Variants in COL19A1 observed in about 807,000 individuals in gnomAD.
COL19A1 encodes collagen type XIX alpha 1 chain.
A neutral mutation model predicts 190.2 loss-of-function variants in COL19A1; 159 were observed. That is an observed-to-expected ratio of 0.84 (90% CI 0.73 to 0.95). The LOEUF is 0.95. Ranked by LOEUF, COL19A1 falls within the 40% of genes least tolerant of loss-of-function variation. The probability of loss-of-function intolerance (pLI) is 0.00; values close to 1 mark genes in which losing one functional copy is unlikely to be tolerated. For synonymous variants in COL19A1, 509 were observed against 458.9 expected, an observed-to-expected ratio of 1.11 and a Z score of -1.39; for missense variants, 1,418 against 1,431.9, an observed-to-expected ratio of 0.99 and a Z score of 0.16.
intron 49 of COL19A1, among the ~76,000 whole-genome samples, chr6:70,200,778 A>G (rs558045665): frequency 2.0e-5 from 3 of 152,330 alleles, no homozygotes; most frequent in Non-Finnish European, 2.9e-5. Context: ...TCAGTTCCCA[A>G]TAGCAGTGCC....
At chr6:69,970,065 G>T (rs1394159781) in intron 11 of COL19A1, among the ~76,000 whole-genome samples, 6 of 152,164 alleles carry the variant, frequency 3.9e-5, no homozygotes, top group Non-Finnish European at 4.4e-5. Context: ...TAGGAAAATA[G>T]ATTCCACCTC....
At chr6:69,997,998 T>G (rs1478020457) in intron 11 of COL19A1, among the ~76,000 whole-genome samples, 1 of 152,034 alleles carries the variant, frequency 6.6e-6, no homozygotes, top group Admixed American at 6.6e-5. Context: ...CAATTCATCA[T>G]GTACGTGAAA....
rs1768034600 is a variant in COL19A1, at chr6:70,208,853, C to T, written c.*1579C>T. 1.3e-5 allele frequency: 2 copies of T among 152,608 alleles called. No individual in the cohort carries two copies. Among genetic ancestry groups the T allele is most frequent in the Non-Finnish European group, 2.9e-5 (2 of 68,038 alleles). The allele number at this position is 152,608 out of a possible 1,614,324, so 9.5% of individuals were successfully genotyped here. A position where few individuals can be genotyped will look rare whatever the true frequency, so the allele number is the denominator to read the frequency against. ...ATTTAAGGCAGGGTTTGTTCCAATGCATCCGTGATTTGAACCGGTTTTCAT... is the reference window on the plus strand; with the variant it reads ...ATTTAAGGCAGGGTTTGTTCCAATGTATCCGTGATTTGAACCGGTTTTCAT... On this transcript the variant is annotated 3_prime_UTR_variant, in exon 51 of 51. Coordinates refer to ENST00000620364, the MANE Select transcript of COL19A1 (RefSeq NM_001858.6).
At chr6:70,043,193 CT>C (rs548148887) in intron 14 of COL19A1, among the ~76,000 whole-genome samples, 61,589 of 145,238 alleles carry the variant, frequency 0.42, 13,668 homozygotes, top group Non-Finnish European at 0.52. Flanking sequence ...ATTTCTTCTT[CT>C]TTTTTTTTTT....
chr6:69,962,752 A>G, intron 10 of COL19A1, 74 bp from the exon 11 acceptor site: 3 of 1,065,014 alleles, frequency 2.8e-6, no homozygotes, highest in Non-Finnish European at 4.0e-6. Flanking sequence ...TTGAAACATA[A>G]TTTTTATTGT....
chr6:70,207,363 GCTTT>G lies in COL19A1; in HGVS notation c.*90_*93del. The G allele has an allele frequency of 2.4e-6, 1 of 409,330 alleles. No individual in the cohort carries two copies. The highest frequency in any genetic ancestry group is 3.3e-6 in the Non-Finnish European group (1 of 305,100). The allele number at this position is 409,330 out of a possible 1,614,324, so 25.4% of individuals were successfully genotyped here. A position where few individuals can be genotyped will look rare whatever the true frequency, so the allele number is the denominator to read the frequency against. On this transcript the variant is annotated 3_prime_UTR_variant, in exon 51 of 51. Coordinates refer to ENST00000620364, the MANE Select transcript of COL19A1 (RefSeq NM_001858.6). Reference sequence around the variant, plus strand: ...GTCAAACCCTCATCATCTGTGGGTTGCTTTTTTTTTTTTTTTTTTTTTTTGGGAG... The same window carrying G: ...GTCAAACCCTCATCATCTGTGGGTTGTTTTTTTTTTTTTTTTTTTTGGGAG...
intron 15 of COL19A1, among the ~76,000 whole-genome samples, chr6:70,073,259 A>T (rs1413022586): frequency 6.6e-6 from 1 of 152,054 alleles, no homozygotes. Context: ...AAGTTCTGGG[A>T]TTACAGGCCT....
At chr6:69,888,245 T>G (rs373486902) in intron 2 of COL19A1, among the ~76,000 whole-genome samples, 21 of 152,160 alleles carry the variant, frequency 1.4e-4, no homozygotes, top group Non-Finnish European at 2.5e-4. Flanking sequence ...AGGGGAGGGA[T>G]AAGGCAGCTC....
chr6:70,025,604 A>T (rs1359465978), intron 12 of COL19A1, among the ~76,000 whole-genome samples: 1 of 152,224 alleles, frequency 6.6e-6, no homozygotes, highest in Non-Finnish European at 1.5e-5. Context: ...AATTCCTTTT[A>T]CAGTGGATTC....
At chr6:69,909,616 A>G (rs1009886468) in intron 4 of COL19A1, among the ~76,000 whole-genome samples, 11 of 152,138 alleles carry the variant, frequency 7.2e-5, no homozygotes, top group Non-Finnish European at 1.6e-4. Flanking sequence ...AAAATACAAT[A>G]AATATAATTA....
chr6:70,052,346 C>T (rs1780252832), intron 14 of COL19A1, among the ~76,000 whole-genome samples: 1 of 152,142 alleles, frequency 6.6e-6, no homozygotes, highest in Non-Finnish European at 1.5e-5. Flanking sequence ...GTTAGTGCCT[C>T]ACTCACAAGA....
intron 1 of COL19A1, among the ~76,000 whole-genome samples, chr6:69,868,465 G>A (rs959067263): frequency 1.3e-5 from 2 of 152,082 alleles, no homozygotes; most frequent in African/African-American, 4.8e-5. Flanking sequence ...GAAAATTTAT[G>A]CTCTCTCTAG....
At chr6:69,995,615 T>A (rs920272072) in intron 11 of COL19A1, among the ~76,000 whole-genome samples, 1 of 152,144 alleles carries the variant, frequency 6.6e-6, no homozygotes, top group Non-Finnish European at 1.5e-5. Flanking sequence ...AACAACCATC[T>A]AAATTCTTTA....
At chr6:70,081,816 T>G (rs576473620) in intron 15 of COL19A1, among the ~76,000 whole-genome samples, 2 of 152,176 alleles carry the variant, frequency 1.3e-5, no homozygotes, top group African/African-American at 4.8e-5. Flanking sequence ...TTATTCTTAC[T>G]TTTTTAAAAA....
At chr6:70,202,940 G>C (rs1288845853) in intron 49 of COL19A1, among the ~76,000 whole-genome samples, 1 of 152,246 alleles carries the variant, frequency 6.6e-6, no homozygotes, top group Admixed American at 6.5e-5. Context: ...GCTTCCTGCT[G>C]TGCCTTGAGA....
At chr6:70,181,261 C>G (rs149941484) in intron 44 of COL19A1, among the ~76,000 whole-genome samples, 44 of 152,232 alleles carry the variant, frequency 2.9e-4, no homozygotes, top group African/African-American at 1.1e-3. Flanking sequence ...GCCAGTTTGG[C>G]ACCTCTGTGA....
intron 27 of COL19A1, among the ~76,000 whole-genome samples, chr6:70,148,636 A>T (rs1786828253): frequency 6.6e-6 from 1 of 152,130 alleles, no homozygotes; most frequent in Non-Finnish European, 1.5e-5. Flanking sequence ...GTATCAGAAA[A>T]TTATTAGAGG....
At position 70,045,693 on chromosome 6, in the gene COL19A1, C is replaced by T. The variant is rs115131862; in HGVS notation, c.1170+9754C>T. ...GCCAGAGATTTGGGGAGAGCTTATACGCAGAATTTTGGACTTCCTTACTTA... is the reference window on the plus strand; with the variant it reads ...GCCAGAGATTTGGGGAGAGCTTATATGCAGAATTTTGGACTTCCTTACTTA... On this transcript the variant is annotated intron_variant, in intron 14 of 50. Transcript: ENST00000620364. 6.3e-3 allele frequency among the ~76,000 whole-genome samples: 958 copies of T among 152,226 alleles called. 8 individuals carry two copies. The highest frequency in any genetic ancestry group is 0.022 in the African/African-American group (900 of 41,520).
intron 16 of COL19A1, among the ~76,000 whole-genome samples, chr6:70,117,442 A>G (rs1283895583): frequency 6.6e-6 from 1 of 152,244 alleles, no homozygotes; most frequent in Non-Finnish European, 1.5e-5. Context: ...GGTGGCAGAC[A>G]TCATGGTATT....
Sources: gnomAD v4.1 joint callset for allele counts (sites outside exome capture counted in the v4.1 genomes callset) on GRCh38, gnomAD v4.1.1 for gene constraint, MANE v1.5 for transcripts, NCBI Gene and HGNC (gene_info 2026-07-23, HGNC 2026-07-21) for gene names.